Variants in ZNF557 observed in about 807,000 individuals in gnomAD.
The protein encoded by ZNF557 is CTB-25J19.9.
ZNF557 carries 19 observed loss-of-function variants against 21.2 expected under a neutral mutation model. The ratio of observed to expected loss-of-function variants is 0.90; its 90% confidence interval spans 0.63 to 1.32. The LOEUF (loss-of-function observed/expected upper bound fraction) is 1.32, where lower values mean the gene tolerates loss of function less well. ZNF557 is among the 40% of genes most tolerant of loss of function. The probability of loss-of-function intolerance (pLI) is 0.00; values close to 1 mark genes in which losing one functional copy is unlikely to be tolerated. For synonymous variants in ZNF557, 207 were observed against 194.8 expected (o/e 1.06, Z -0.52); for missense variants, 487 against 519.8 (o/e 0.94, Z 0.61).
At chr19:7,073,153 T>TTG (rs1568405642) in intron 2 of ZNF557, among the ~76,000 whole-genome samples, 11 of 50,346 alleles carry the variant, frequency 2.2e-4, no homozygotes, top group African/African-American at 7.3e-4. Context: ...TTTTGGTTTT[T>TTG]TTTGTTTTTT....
At chr19:7,081,720 T>C in intron 6 of ZNF557, among the ~76,000 whole-genome samples, 1 of 152,212 alleles carries the variant, frequency 6.6e-6, no homozygotes, top group South Asian at 2.1e-4. Flanking sequence ...ATGAGCTCTT[T>C]GATCAGTTTC....
chr19:7,072,202 T>A lies in ZNF557; in HGVS notation c.-80+1549T>A, dbSNP rs1205706202. On this transcript the variant is annotated intron_variant, in intron 2 of 7. Transcript: ENST00000252840. ...ACTTTGGGAGGCTGAGGTGGGCAGA[T>A]CGCCTGAGGTCAGGAGTTCGAGACC... Among the ~76,000 whole-genome samples, 4 of 150,186 alleles carry A rather than the reference T, an allele frequency of 2.7e-5. No homozygotes were observed. The Admixed American group carries it at 2.7e-4, about 10-fold the overall frequency.
intron 2 of ZNF557, among the ~76,000 whole-genome samples, chr19:7,073,139 G>GGTT (rs1272936239): frequency 3.1e-5 from 3 of 98,326 alleles, no homozygotes; most frequent in Non-Finnish European, 6.3e-5. Context: ...ACAGATATTT[G>GGTT]TTTTTTTGGT....
Position 7,083,127 on chromosome 19 carries a change from C to G in ZNF557, c.676C>G (p.His226Asp), listed in dbSNP as rs777315133. ...TFSSRSYLTV[H>D]KRIHNGEKPY... is the part of the protein sequence containing the mutation. ...CAGCAGCAGATCTTACCTTACTGTT[C>G]ATAAGAGAATCCACAATGGGGAGAA... Residue 226 changes from histidine (H) to aspartate (D), a missense_variant, in exon 8 of 8, where the codon CAT becomes GAT. By Grantham distance (81) the His-to-Asp change is moderately conservative (BLOSUM62 -1). Transcript: ENST00000252840. 3.4e-5 allele frequency: 55 copies of G among 1,614,062 alleles called. No individual in the cohort carries two copies. The highest frequency in any genetic ancestry group is 4.6e-5 in the Non-Finnish European group (54 of 1,180,040).
chr19:7,083,608 A>G lies in ZNF557; in HGVS notation c.1157A>G (p.Asn386Ser). 1 of 1,614,138 alleles carries G rather than the reference A, an allele frequency of 6.2e-7. No individual in the cohort carries two copies. The highest frequency in any genetic ancestry group is 1.1e-5 in the South Asian group (1 of 91,084). The change falls in exon 8 of 8, where the codon AAT becomes AGT. Residue 386 changes from asparagine to serine, a missense_variant. Transcript: ENST00000252840. ...TGCAGTGATTGTGGAAAATCCTTTA[A>G]TGTTCTCTCATCCGTTAAGAAACAC... ...YECSDCGKSF[N>S]VLSSVKKHMR...
chr19:7,080,034 G>T (rs746385172), intron 5 of ZNF557, among the ~76,000 whole-genome samples: 1 of 152,176 alleles, frequency 6.6e-6, no homozygotes, highest in Non-Finnish European at 1.5e-5. Context: ...GGGCGCAGTG[G>T]CTCATGCCTG....
chr19:7,074,408 A>T (rs1977530991), intron 2 of ZNF557, among the ~76,000 whole-genome samples: 1 of 150,870 alleles, frequency 6.6e-6, no homozygotes, highest in Non-Finnish European at 1.5e-5. Flanking sequence ...GCTATTTGGT[A>T]CTTTTTTTTC....
Position 7,084,199 on chromosome 19 carries a change from A to G in ZNF557, c.*455A>G. On this transcript the variant is annotated 3_prime_UTR_variant, in exon 8 of 8. Coordinates refer to ENST00000252840, the MANE Select transcript of ZNF557 (RefSeq NM_024341.3). ...ATAATGTCTTTTATGACCTAGCTTCAGTGAGATATGTTTTCATGTCCCTGT... is the reference window on the plus strand; with the variant it reads ...ATAATGTCTTTTATGACCTAGCTTCGGTGAGATATGTTTTCATGTCCCTGT... The G allele has an allele frequency of 5.9e-6, 1 of 169,032 alleles. No individual in the cohort carries two copies. Among genetic ancestry groups the G allele is most frequent in the East Asian group, 1.7e-4 (1 of 5,854 alleles). 10.5% of individuals were successfully genotyped at this position (169,032 alleles called of 1,614,324 possible).
chr19:7,073,256 T>C (rs983840829), intron 2 of ZNF557, among the ~76,000 whole-genome samples: 1 of 150,270 alleles, frequency 6.7e-6, no homozygotes, highest in Admixed American at 6.7e-5. Context: ...GTTCAAGCGA[T>C]TCTCCTGCCT....
Position 7,087,396 on chromosome 19 carries a change from C to T in ZNF557, c.*3652C>T, listed in dbSNP as rs1021643529. 5.3e-5 allele frequency: 8 copies of T among 150,874 alleles called. No homozygotes were observed. The highest frequency in any genetic ancestry group is 6.6e-5 in the Admixed American group (1 of 15,118). 9.3% of individuals were successfully genotyped at this position (150,874 alleles called of 1,614,324 possible). ...TCTCTCCTAAAAATACAAAATTAAC[C>T]GAGCATGTTGGCGCATGCCTGTAAT... On this transcript the variant is annotated 3_prime_UTR_variant, in exon 8 of 8. Transcript: ENST00000252840.
At chr19:7,081,498 G>A in intron 6 of ZNF557, 43 bp downstream of exon 6, 1 of 1,339,260 alleles carries the variant, frequency 7.5e-7, no homozygotes, top group South Asian at 1.2e-5. Context: ...GAACAGCTCT[G>A]GCCAGGGACT....
chr19:7,083,543 A>T lies in ZNF557; in HGVS notation c.1092A>T (p.Thr364=). ...CCTTTACCAATAGCTTTTCTCTTACAATTCACAGGAGAATACATAATGGAG... is the reference window on the plus strand; with the variant it reads ...CCTTTACCAATAGCTTTTCTCTTACTATTCACAGGAGAATACATAATGGAG... ...GKSFTNSFSL[T]IHRRIHNGEK... is the part of the protein sequence containing the mutation. Residue 364 remains threonine, a synonymous_variant, in exon 8 of 8, where the codon ACA becomes ACT. Coordinates refer to ENST00000252840, the MANE Select transcript of ZNF557 (RefSeq NM_024341.3). The T allele has an allele frequency of 6.2e-7, 1 of 1,614,198 alleles. No homozygotes were observed. The highest frequency in any genetic ancestry group is 8.5e-7 in the Non-Finnish European group (1 of 1,180,026).
Position 7,084,939 on chromosome 19 carries a change from T to G in ZNF557, c.*1195T>G, listed in dbSNP as rs1977801840. The G allele has an allele frequency of 6.6e-6, 1 of 152,190 alleles. No individual in the cohort carries two copies. Among genetic ancestry groups the G allele is most frequent in the South Asian group, 2.1e-4 (1 of 4,818 alleles). 9.4% of individuals were successfully genotyped at this position (152,190 alleles called of 1,614,324 possible). On this transcript the variant is annotated 3_prime_UTR_variant, in exon 8 of 8. Transcript: ENST00000252840. ...GGACACTCATTCCTTAAGTCACATT[T>G]CGGAGATCATACAACAGAGGAATAT... is the stretch of plus-strand genomic sequence containing the variant.
intron 4 of ZNF557, among the ~76,000 whole-genome samples, chr19:7,076,152 G>A (rs953103328): frequency 5.9e-5 from 9 of 152,192 alleles, no homozygotes; most frequent in Admixed American, 4.6e-4. Flanking sequence ...AAAGACAGCT[G>A]CTCTGCGGTA....
intron 5 of ZNF557, 103 bp from the exon 6 acceptor site, chr19:7,081,257 C>T: frequency 1.4e-6 from 1 of 692,200 alleles, no homozygotes; most frequent in Non-Finnish European, 2.6e-6. Context: ...TTTCTCTGCT[C>T]CTGAAGTCAC....
intron 5 of ZNF557, among the ~76,000 whole-genome samples, chr19:7,079,472 C>A (rs950017495): frequency 6.6e-6 from 1 of 151,976 alleles, no homozygotes; most frequent in East Asian, 1.9e-4. Flanking sequence ...GATCTCCTGA[C>A]CTTGTGATCC....
rs1169601060 is a variant in ZNF557 at position 7,083,716 on chromosome 19, A to T, written c.1265A>T (p.His422Leu). Residue 422 changes from histidine to leucine, a missense_variant, in exon 8 of 8, where the codon CAT becomes CTT. Physicochemically the swap from His to Leu is moderately conservative, Grantham distance 99. Transcript: ENST00000252840. ...SFTSNSYLSV[H>L]TRMHNRQM ...ACAAGTAACTCCTACCTTTCTGTGC[A>T]TACGAGAATGCATAATAGGCAAATG... is the stretch of plus-strand genomic sequence containing the variant. The T allele has an allele frequency of 1.2e-6, 2 of 1,610,256 alleles. No homozygotes were observed. Among genetic ancestry groups the T allele is most frequent in the Admixed American group, 3.4e-5 (2 of 59,536 alleles).
chr19:7,075,182 T>C (rs1487216840), intron 3 of ZNF557, 77 bp downstream of exon 3: 1 of 1,602,746 alleles, frequency 6.2e-7, no homozygotes, highest in African/African-American at 1.3e-5. Flanking sequence ...TGGGAGGGGG[T>C]TGGGCAGAGC....
intron 6 of ZNF557, 29 bp from the exon 7 acceptor site, chr19:7,081,941 A>T (rs760091939): frequency 6.3e-7 from 1 of 1,583,488 alleles, no homozygotes; most frequent in South Asian, 1.1e-5. Context: ...CTTTTCTATC[A>T]ACTTAAATTT....
Sources: allele counts gnomAD v4.1 joint callset (sites outside exome capture counted in the v4.1 genomes callset), GRCh38; gene constraint gnomAD v4.1.1; transcripts MANE v1.5; gene names NCBI Gene and HGNC (gene_info 2026-07-23, HGNC 2026-07-21).